Variants in SNX29 observed in about 807,000 individuals in gnomAD.
SNX29 encodes sorting nexin 29.
In SNX29, 78 loss-of-function variants were observed where a neutral mutation model predicts 102.1. The ratio of observed to expected loss-of-function variants is 0.76; its 90% CI spans 0.64 to 0.92. The LOEUF (loss-of-function observed/expected upper bound fraction) is 0.92, where lower values mean the gene tolerates loss of function less well. Among genes scored for constraint, SNX29 ranks in the 40% least tolerant of loss-of-function variants. The probability of loss-of-function intolerance (pLI) is 0.00; values close to 1 mark genes in which losing one functional copy is unlikely to be tolerated. For missense variants in SNX29, 1,280 were observed against 1,061.7 expected (o/e 1.21, Z -2.86); for synonymous variants, 580 against 414.5 (o/e 1.40, Z -4.85).
intron 18 of SNX29, among the ~76,000 whole-genome samples, chr16:12,465,426 G>A (rs1449126409): frequency 6.6e-6 from 1 of 151,868 alleles, no homozygotes; most frequent in East Asian, 1.9e-4. Context: ...TTATTTTGAA[G>A]GTAGATATTC....
intron 16 of SNX29, among the ~76,000 whole-genome samples, chr16:12,380,389 C>CACCCATCATCTACCCACCCACCT (rs1386287591): frequency 3.5e-5 from 3 of 85,438 alleles, no homozygotes; most frequent in Non-Finnish European, 4.8e-5. Flanking sequence ...CCCACCCACC[C>CACCCATCATCTACCCACCCACCT]ACCCCTCATC....
chr16:12,239,479 C>T (rs1409051248), intron 14 of SNX29, among the ~76,000 whole-genome samples: 1 of 151,868 alleles, frequency 6.6e-6, no homozygotes, highest in African/African-American at 2.4e-5. Context: ...AAGGAAATGT[C>T]ACCAAATGTT....
At chr16:12,109,127 CAAAAAAAA>C (rs71139575) in intron 11 of SNX29, among the ~76,000 whole-genome samples, 7 of 33,314 alleles carry the variant, frequency 2.1e-4, no homozygotes, top group South Asian at 1.3e-3. Flanking sequence ...GGCGCTGTCT[CAAAAAAAA>C]AAAAAAAAAA....
intron 15 of SNX29, among the ~76,000 whole-genome samples, chr16:12,289,385 C>T (rs1002568537): frequency 2.0e-5 from 3 of 152,212 alleles, no homozygotes; most frequent in Non-Finnish European, 4.4e-5. Context: ...CACAATTGTG[C>T]CTCTGTGCAG....
At chr16:12,160,825 T>G (rs1044796288) in intron 13 of SNX29, among the ~76,000 whole-genome samples, 1 of 152,262 alleles carries the variant, frequency 6.6e-6, no homozygotes, top group Admixed American at 6.5e-5. Flanking sequence ...GTGTTAGTGC[T>G]GTCCCCCATT....
At chr16:12,236,206 TCATCTGGTTGAAC>T (rs2077928880) in intron 14 of SNX29, among the ~76,000 whole-genome samples, 1 of 152,092 alleles carries the variant, frequency 6.6e-6, no homozygotes, top group Admixed American at 6.5e-5. Context: ...AGTTAATACA[TCATCTGGTTGAAC>T]CAAAAGATCA....
chr16:12,539,533 G>C (rs1420255935), intron 20 of SNX29, among the ~76,000 whole-genome samples: 2 of 152,210 alleles, frequency 1.3e-5, no homozygotes, highest in Non-Finnish European at 1.5e-5. Context: ...ATTTTGAATA[G>C]AGCTAGTGGA....
chr16:12,549,025 G>GA (rs1219636159), intron 20 of SNX29, among the ~76,000 whole-genome samples: 4 of 152,228 alleles, frequency 2.6e-5, no homozygotes, highest in Admixed American at 6.5e-5. Flanking sequence ...TAAAAAGCTT[G>GA]TGGAGTATCT....
At chr16:12,135,305 C>T (rs1027475222) in intron 13 of SNX29, among the ~76,000 whole-genome samples, 2 of 152,234 alleles carry the variant, frequency 1.3e-5, no homozygotes, top group African/African-American at 2.4e-5. Flanking sequence ...CCATCACACT[C>T]CCCCAATTTT....
intron 13 of SNX29, among the ~76,000 whole-genome samples, chr16:12,190,777 G>A (rs1005343563): frequency 6.6e-6 from 1 of 152,048 alleles, no homozygotes; most frequent in South Asian, 2.1e-4. Flanking sequence ...GGAGGGGGTC[G>A]GGTCTAGCTT....
At chr16:12,540,932 C>A (rs937104940) in intron 20 of SNX29, among the ~76,000 whole-genome samples, 1 of 152,216 alleles carries the variant, frequency 6.6e-6, no homozygotes, top group African/African-American at 2.4e-5. Flanking sequence ...ACCCCCTGCC[C>A]ACTTTTGGGG....
intron 19 of SNX29, among the ~76,000 whole-genome samples, chr16:12,516,367 C>A (rs530151785): frequency 6.6e-6 from 1 of 151,690 alleles, no homozygotes. Flanking sequence ...GTAGTCCCAG[C>A]TACACTGGAG....
intron 16 of SNX29, among the ~76,000 whole-genome samples, chr16:12,376,799 C>A (rs1163579723): frequency 6.6e-6 from 1 of 151,492 alleles, no homozygotes; most frequent in Non-Finnish European, 1.5e-5. Flanking sequence ...CTGACTCACC[C>A]TGGCCTCTTC....
intron 14 of SNX29, among the ~76,000 whole-genome samples, chr16:12,203,075 C>T (rs1264364038): frequency 6.7e-6 from 1 of 150,160 alleles, no homozygotes; most frequent in African/African-American, 2.5e-5. Flanking sequence ...TTGGAGGTGA[C>T]AGCTCTCAAG....
chr16:12,026,731 T>C (rs1031984964), intron 3 of SNX29, among the ~76,000 whole-genome samples: 1 of 152,230 alleles, frequency 6.6e-6, no homozygotes, highest in African/African-American at 2.4e-5. Context: ...ATTCATATTA[T>C]TATTATTTTT....
chr16:12,544,520 G>A (rs1004546214), intron 20 of SNX29, among the ~76,000 whole-genome samples: 1 of 152,184 alleles, frequency 6.6e-6, no homozygotes, highest in Admixed American at 6.5e-5. Context: ...TTTCTGTGGG[G>A]AATTGTGTGG....
intron 14 of SNX29, among the ~76,000 whole-genome samples, chr16:12,218,249 A>C (rs2077377252): frequency 6.6e-6 from 1 of 152,250 alleles, no homozygotes; most frequent in Non-Finnish European, 1.5e-5. Context: ...CTAGCAGTGC[A>C]GAGGTACGTA....
chr16:12,391,907 T>G (rs2083544227), intron 16 of SNX29, among the ~76,000 whole-genome samples: 1 of 152,216 alleles, frequency 6.6e-6, no homozygotes, highest in Admixed American at 6.5e-5. Context: ...TTTGAAAGGT[T>G]AACAAGTCAT....
chr16:12,015,288 G>A (rs182938455), intron 3 of SNX29, among the ~76,000 whole-genome samples: 7 of 151,496 alleles, frequency 4.6e-5, no homozygotes, highest in African/African-American at 1.2e-4. Context: ...TCACTCTGTC[G>A]CCAGATTGGA....
Sources: gnomAD v4.1 joint callset for allele counts (sites outside exome capture counted in the v4.1 genomes callset) on GRCh38, gnomAD v4.1.1 for gene constraint, MANE v1.5 for transcripts, NCBI Gene and HGNC (gene_info 2026-07-23, HGNC 2026-07-21) for gene names.